The following TXNRD2 variants were observed in gnomAD, a reference collection of about 807,000 sequenced individuals.
The protein encoded by TXNRD2 is thioredoxin reductase 2, also known as thioredoxin reductase 2, mitochondrial.
A neutral mutation model predicts 70.8 loss-of-function variants in TXNRD2; 67 were observed. The observed-to-expected ratio is 0.95, with a 90% CI of 0.78 to 1.16. The LOEUF is 1.16. Ranked by LOEUF, TXNRD2 falls within the 50% of genes most tolerant of loss-of-function variation. The pLI, the probability that TXNRD2 is intolerant of heterozygous loss-of-function variation, is 0.00. For missense variants in TXNRD2, 644 were observed against 719.9 expected (o/e 0.89, Z 1.21); for synonymous variants, 301 against 295.8 (o/e 1.02, Z -0.18).
intron 8 of TXNRD2, among the ~76,000 whole-genome samples, chr22:19,910,711 AT>A (rs1319568236): frequency 6.6e-6 from 1 of 152,032 alleles, no homozygotes; most frequent in African/African-American, 2.4e-5. Context: ...GGCTCAAGCA[AT>A]CCTCCCACCT....
intron 2 of TXNRD2, among the ~76,000 whole-genome samples, chr22:19,926,587 C>G (rs1941154232): frequency 6.6e-6 from 1 of 152,290 alleles, no homozygotes; most frequent in East Asian, 1.9e-4. Context: ...CAAGACCAGC[C>G]TGGCCAGTAT....
intron 10 of TXNRD2, among the ~76,000 whole-genome samples, chr22:19,896,316 G>GA (rs909333735): frequency 3.5e-5 from 5 of 140,868 alleles, no homozygotes; most frequent in Admixed American, 1.4e-4. Context: ...AAAAAAGAAA[G>GA]AAAAAAAAGA....
At chr22:19,925,098 C>A (rs936569997) in intron 2 of TXNRD2, among the ~76,000 whole-genome samples, 5 of 150,074 alleles carry the variant, frequency 3.3e-5, no homozygotes, top group South Asian at 4.2e-4. Context: ...TCCTGGCTAA[C>A]ACGGCGAAGC....
intron 1 of TXNRD2, among the ~76,000 whole-genome samples, chr22:19,935,797 C>A (rs895871027): frequency 1.3e-5 from 2 of 152,154 alleles, no homozygotes; most frequent in Admixed American, 1.3e-4. Flanking sequence ...ACGTGGTTTT[C>A]TTTTTCCTAA....
At position 19,933,634 on chromosome 22, in the gene TXNRD2, T is replaced by C. The variant is rs1390341306; in HGVS notation, c.104-2536A>G. The C allele has an allele frequency of 7.3e-6, 4 of 547,844 alleles. No individual in the cohort carries two copies. The Admixed American group carries it at 1.1e-4, about 15-fold the overall frequency. 33.9% of individuals were successfully genotyped at this position (547,844 alleles called of 1,614,324 possible). A position where few individuals can be genotyped will look rare whatever the true frequency, so the allele number is the denominator to read the frequency against. On this transcript the variant is annotated intron_variant, in intron 1 of 17. Transcript: ENST00000400521. Reference sequence around the variant, plus strand: ...CCTCTCGGGCTGATAAACACTGGCATAGGGCAGTCGTTTGCAAGCATAGGA... The same window carrying C: ...CCTCTCGGGCTGATAAACACTGGCACAGGGCAGTCGTTTGCAAGCATAGGA...
rs1939585296 is a variant in TXNRD2, at chr22:19,897,959, G to A, written c.774+80C>T. On this transcript the variant is annotated intron_variant, in intron 10 of 17. Transcript: ENST00000400521. ...CAGGCATCACTCGTGGCCCATGACTGCACTGCACCTGCCTGGGAGGGGGCT... is the reference window on the plus strand; with the variant it reads ...CAGGCATCACTCGTGGCCCATGACTACACTGCACCTGCCTGGGAGGGGGCT... The A allele has an allele frequency of 2.5e-6, 3 of 1,180,402 alleles. No homozygotes were observed. The South Asian group carries it at 4.0e-5, about 16-fold the overall frequency. 73.1% of individuals were successfully genotyped at this position (1,180,402 alleles called of 1,614,324 possible).
chr22:19,931,579 C>A lies in TXNRD2; in HGVS notation c.104-481G>T, dbSNP rs531458152. Among the ~76,000 whole-genome samples, 267 of 152,238 alleles carry A rather than the reference C, an allele frequency of 1.8e-3. 1 individual carries two copies. The highest frequency in any genetic ancestry group is 6.1e-3 in the African/African-American group (253 of 41,546). ...GGCACAGTGGCACAATCACAGCTCA[C>A]TGCAGCCTCTACCTCTTGGGCTCAA... is the stretch of plus-strand genomic sequence containing the variant. On this transcript the variant is annotated intron_variant, in intron 1 of 17. Transcript: ENST00000400521.
intron 8 of TXNRD2, among the ~76,000 whole-genome samples, chr22:19,906,184 G>T (rs1380878036): frequency 6.6e-6 from 1 of 152,124 alleles, no homozygotes; most frequent in Non-Finnish European, 1.5e-5. Flanking sequence ...CCATGCTGGC[G>T]ATTTGTGCAG....
At chr22:19,893,815 A>G (rs910348679) in intron 11 of TXNRD2, 34 of 152,262 alleles carry the variant, frequency 2.2e-4, no homozygotes, top group Admixed American at 2.0e-3. Context: ...GACTTCTGGA[A>G]AGGCCTGCAA....
chr22:19,901,608 C>G (rs1939780260), intron 8 of TXNRD2, among the ~76,000 whole-genome samples: 1 of 152,184 alleles, frequency 6.6e-6, no homozygotes, highest in Non-Finnish European at 1.5e-5. Context: ...TACGAGAATT[C>G]CAACAGAGAA....
chr22:19,904,513 G>A (rs1250907849), intron 8 of TXNRD2, among the ~76,000 whole-genome samples: 1 of 152,194 alleles, frequency 6.6e-6, no homozygotes, highest in Non-Finnish European at 1.5e-5. Context: ...GGCCTCTCTG[G>A]GGCAAAAGTG....
At chr22:19,895,703 G>C (rs1194166467) in intron 10 of TXNRD2, 122 bp from the exon 11 acceptor site, 1 of 1,096,924 alleles carries the variant, frequency 9.1e-7, no homozygotes, top group Admixed American at 2.0e-5. Flanking sequence ...AAGACGGGGT[G>C]AGACACCCTG....
At chr22:19,907,866 G>A (rs1202661565) in intron 8 of TXNRD2, among the ~76,000 whole-genome samples, 1 of 42,902 alleles carries the variant, frequency 2.3e-5, no homozygotes, top group Non-Finnish European at 4.3e-5. Flanking sequence ...AGCAGTGACC[G>A]CTCTCAGGAG....
intron 6 of TXNRD2, 58 bp downstream of exon 6, chr22:19,915,707 G>C: frequency 6.7e-7 from 1 of 1,495,760 alleles, no homozygotes; most frequent in Non-Finnish European, 9.3e-7. Flanking sequence ...GCTGCAGTTG[G>C]TGCCCAAGGT....
At chr22:19,938,398 A>G (rs1241966817) in intron 1 of TXNRD2, among the ~76,000 whole-genome samples, 1 of 152,216 alleles carries the variant, frequency 6.6e-6, no homozygotes, top group African/African-American at 2.4e-5. Flanking sequence ...GCGGTGAAAA[A>G]GCCGCTTATT....
At chr22:19,930,363 G>C (rs1941311376) in intron 2 of TXNRD2, among the ~76,000 whole-genome samples, 1 of 152,062 alleles carries the variant, frequency 6.6e-6, no homozygotes, top group Non-Finnish European at 1.5e-5. Context: ...TGTAGACATG[G>C]CCAGAGCAGA....
chr22:19,932,437 C>A, intron 1 of TXNRD2: 1 of 1,610,796 alleles, frequency 6.2e-7, no homozygotes, highest in South Asian at 1.1e-5. Context: ...CGTGTCTACT[C>A]TGCAAGCTAC....
At chr22:19,905,134 T>A (rs1939948602) in intron 8 of TXNRD2, among the ~76,000 whole-genome samples, 1 of 152,074 alleles carries the variant, frequency 6.6e-6, no homozygotes, top group Non-Finnish European at 1.5e-5. Context: ...CAACTTGCAT[T>A]AACAGCGCCG....
chr22:19,882,677 T>C (rs938195996), intron 12 of TXNRD2, among the ~76,000 whole-genome samples: 2 of 152,230 alleles, frequency 1.3e-5, no homozygotes, highest in East Asian at 3.8e-4. Context: ...CAGCAGGTGC[T>C]GGACACATGC....
Sources: gnomAD v4.1 joint callset for allele counts (sites outside exome capture counted in the v4.1 genomes callset) on GRCh38, gnomAD v4.1.1 for gene constraint, MANE v1.5 for transcripts, NCBI Gene and HGNC (gene_info 2026-07-23, HGNC 2026-07-21) for gene names.